The following ATP6V1A variants were observed in gnomAD, a reference collection of about 807,000 sequenced individuals.
ATP6V1A encodes the protein V-type proton ATPase catalytic subunit A.
In ATP6V1A, 18 loss-of-function variants were observed where a neutral mutation model predicts 70.1. The observed-to-expected ratio is 0.26, with a 90% CI of 0.18 to 0.38. The LOEUF is 0.38. Ranked by LOEUF, ATP6V1A falls within the 10% of genes least tolerant of loss-of-function variation. The probability of loss-of-function intolerance (pLI) is 1.00; values close to 1 mark genes in which losing one functional copy is unlikely to be tolerated. For synonymous variants in ATP6V1A, 232 were observed against 253.8 expected, an observed-to-expected ratio of 0.91 and a Z score of 0.82; for missense variants, 424 against 772.4, an observed-to-expected ratio of 0.55 and a Z score of 5.35.
intron 1 of ATP6V1A, among the ~76,000 whole-genome samples, chr3:113,752,482 A>C (rs1708598127): frequency 1.3e-5 from 2 of 151,988 alleles, no homozygotes. Context: ...TTGAATTCAT[A>C]ATGTCAGTAG....
At chr3:113,772,363 T>A (rs1708851718) in intron 1 of ATP6V1A, among the ~76,000 whole-genome samples, 1 of 152,144 alleles carries the variant, frequency 6.6e-6, no homozygotes, top group Admixed American at 6.5e-5. Context: ...GAAAAGAACA[T>A]TCTAGGGAGG....
At chr3:113,780,820 G>A (rs1420745538) in intron 2 of ATP6V1A, 1 of 1,342,458 alleles carries the variant, frequency 7.4e-7, no homozygotes, top group Non-Finnish European at 9.8e-7. Flanking sequence ...TGTTTGAAAA[G>A]TTTTCATGTA....
intron 1 of ATP6V1A, among the ~76,000 whole-genome samples, chr3:113,765,388 T>C (rs1254586444): frequency 6.6e-6 from 1 of 152,138 alleles, no homozygotes; most frequent in Admixed American, 6.6e-5. Context: ...GCAGTTCACC[T>C]GAGGTCAGGA....
chr3:113,808,765 C>T (rs1358024713), intron 14 of ATP6V1A, among the ~76,000 whole-genome samples: 2 of 152,250 alleles, frequency 1.3e-5, no homozygotes, highest in East Asian at 3.9e-4. Context: ...CACTATTGTG[C>T]ACATTGTTGA....
intron 1 of ATP6V1A, among the ~76,000 whole-genome samples, chr3:113,776,138 C>A (rs1002691477): frequency 2.0e-5 from 3 of 152,106 alleles, no homozygotes; most frequent in African/African-American, 7.2e-5. Context: ...GCAGGCAGAT[C>A]ACTTGAGCCC....
intron 1 of ATP6V1A, among the ~76,000 whole-genome samples, chr3:113,747,970 A>G (rs1708542640): frequency 6.6e-6 from 1 of 152,138 alleles, no homozygotes; most frequent in African/African-American, 2.4e-5. Context: ...TAAAGGTAGA[A>G]TCAAGTCGAG....
chr3:113,787,327 A>G (rs1355562338), intron 6 of ATP6V1A, among the ~76,000 whole-genome samples: 1 of 152,218 alleles, frequency 6.6e-6, no homozygotes, highest in Admixed American at 6.5e-5. Flanking sequence ...CAAACTGAGA[A>G]GCAAGCAACA....
chr3:113,788,430 G>T (rs750146621), intron 6 of ATP6V1A, among the ~76,000 whole-genome samples: 23 of 151,664 alleles, frequency 1.5e-4, no homozygotes, highest in Non-Finnish European at 2.4e-4. Context: ...CACCTCTCAG[G>T]TTCAAGCAAT....
intron 1 of ATP6V1A, among the ~76,000 whole-genome samples, chr3:113,778,366 C>T (rs1055850747): frequency 3.9e-5 from 6 of 152,072 alleles, no homozygotes; most frequent in African/African-American, 1.4e-4. Flanking sequence ...TGCACTCCAG[C>T]CTGGGTGGTG....
At chr3:113,767,601 C>G (rs543966154) in intron 1 of ATP6V1A, among the ~76,000 whole-genome samples, 1 of 152,160 alleles carries the variant, frequency 6.6e-6, no homozygotes, top group South Asian at 2.1e-4. Context: ...TATTTTGTTA[C>G]TGTTTCACCC....
At chr3:113,767,244 G>A (rs1029454385) in intron 1 of ATP6V1A, among the ~76,000 whole-genome samples, 10 of 151,566 alleles carry the variant, frequency 6.6e-5, no homozygotes, top group African/African-American at 2.4e-4. Flanking sequence ...GGCACACGCC[G>A]CCATGCCCGG....
chr3:113,747,686 G>C (rs114159161), intron 1 of ATP6V1A, among the ~76,000 whole-genome samples: 3,211 of 152,284 alleles, frequency 0.021, 112 homozygotes, highest in African/African-American at 0.072. Flanking sequence ...AGATGTTCAC[G>C]TGCTTCGGAT....
rs1709328920 is a variant in ATP6V1A at position 113,810,467 on chromosome 3, A to G, written c.*1040A>G. On this transcript the variant is annotated 3_prime_UTR_variant, in exon 15 of 15. Transcript: ENST00000273398. ...TAGAGCAACATTGTCTTATTAAAGC[A>G]TAGTTTATTTCACTAGAAAAAATTT... is the stretch of plus-strand genomic sequence containing the variant. 6.6e-6 allele frequency: 1 copy of G among 152,250 alleles called. No individual in the cohort carries two copies. Among genetic ancestry groups the G allele is most frequent in the Admixed American group, 6.5e-5 (1 of 15,286 alleles). The allele number at this position is 152,250 out of a possible 1,614,324, so 9.4% of individuals were successfully genotyped here.
At chr3:113,793,884 TTATAA>T (rs527305167) in intron 8 of ATP6V1A, among the ~76,000 whole-genome samples, 53 of 152,276 alleles carry the variant, frequency 3.5e-4, no homozygotes, top group African/African-American at 1.2e-3. Context: ...TTTGGAACTT[TTATAA>T]TATAACTATA....
intron 1 of ATP6V1A, among the ~76,000 whole-genome samples, chr3:113,752,727 G>T (rs1475164085): frequency 6.6e-6 from 1 of 151,936 alleles, no homozygotes; most frequent in East Asian, 1.9e-4. Context: ...ACATTTCAAA[G>T]GGATAATTCA....
intron 2 of ATP6V1A, 160 bp downstream of exon 2, chr3:113,778,995 T>G (rs1027219267): frequency 2.3e-6 from 1 of 440,840 alleles, no homozygotes; most frequent in Non-Finnish European, 4.0e-6. Context: ...GTAGAATCTC[T>G]GTCATAAGGG....
intron 14 of ATP6V1A, among the ~76,000 whole-genome samples, chr3:113,808,350 G>T (rs1709303107): frequency 7.5e-6 from 1 of 133,362 alleles, no homozygotes; most frequent in Admixed American, 8.4e-5. Context: ...GGAGTGCAGT[G>T]ACGCGATCTC....
intron 14 of ATP6V1A, 149 bp from the exon 15 acceptor site, chr3:113,809,186 T>G (rs975757815): frequency 4.3e-6 from 2 of 468,054 alleles, no homozygotes; most frequent in Non-Finnish European, 3.9e-6. Flanking sequence ...AGCCAGGAGG[T>G]GGAGGTTGCA....
chr3:113,790,430 A>G (rs1462536094), intron 8 of ATP6V1A, among the ~76,000 whole-genome samples: 1 of 151,698 alleles, frequency 6.6e-6, no homozygotes, highest in Non-Finnish European at 1.5e-5. Flanking sequence ...TTTTTTCACT[A>G]CATGTTTTAT....
Sources: allele counts gnomAD v4.1 joint callset (sites outside exome capture counted in the v4.1 genomes callset), GRCh38; gene constraint gnomAD v4.1.1; transcripts MANE v1.5; gene names NCBI Gene and HGNC (gene_info 2026-07-23, HGNC 2026-07-21).